SRGAP3: variants seen among roughly 807,000 people sequenced by gnomAD.
SRGAP3 encodes the protein SLIT-ROBO Rho GTPase-activating protein 3.
Under a neutral mutation model 121.1 loss-of-function variants are expected in SRGAP3, and 39 were observed. The ratio of observed to expected loss-of-function variants is 0.32; its 90% CI spans 0.25 to 0.42. The LOEUF is 0.42. Among genes scored for constraint, SRGAP3 ranks in the 10% least tolerant of loss-of-function variants. The probability of loss-of-function intolerance (pLI) is 1.00; values close to 1 mark genes in which losing one functional copy is unlikely to be tolerated. For missense variants in SRGAP3, 1,213 were observed against 1,470.6 expected, an observed-to-expected ratio of 0.82 and a Z score of 2.86; for synonymous variants, 601 against 570.0, an observed-to-expected ratio of 1.05 and a Z score of -0.77.
chr3:8,992,965 G>A lies in SRGAP3; in HGVS notation c.2499C>T (p.Asn833=), dbSNP rs751596121. ...PLLDDKASSK[N]DLQSPTEHIS... ...TGTGCTCCGTGGGGGACTGGAGGTC[G>A]TTTTTGGAAGAGGCCTTGTCATCCA... Residue 833 remains asparagine (N), a synonymous_variant, in exon 20 of 22, where the codon AAC becomes AAT. Coordinates refer to ENST00000383836, the MANE Select transcript of SRGAP3 (RefSeq NM_014850.4). The A allele has an allele frequency of 2.7e-5, 43 of 1,614,112 alleles. No homozygotes were observed. In the East Asian group the frequency reaches 4.2e-4, roughly 16 times the overall value.
chr3:9,109,363 C>G lies in SRGAP3; in HGVS notation c.261-4521G>C, dbSNP rs755942458. Among the ~76,000 whole-genome samples, 2 of 152,186 alleles carry G rather than the reference C, an allele frequency of 1.3e-5. No homozygotes were observed. Among genetic ancestry groups the G allele is most frequent in the Non-Finnish European group, 2.9e-5 (2 of 68,036 alleles). ...GAGAGGAAGGGCAGAGAGCACAGCG[C>G]TGTCCTTATCAGAAGCTGCAAGCCA... On this transcript the variant is annotated intron_variant, in intron 2 of 21. Transcript: ENST00000383836. The surrounding 1 kb of genome is among the most constrained non-coding windows in gnomAD (Gnocchi z 4.4).
At chr3:9,137,240 C>T (rs569964812) in intron 1 of SRGAP3, among the ~76,000 whole-genome samples, 1 of 152,200 alleles carries the variant, frequency 6.6e-6, no homozygotes. Flanking sequence ...GGTTTTTACG[C>T]TCTGTCTTTC....
intron 3 of SRGAP3, among the ~76,000 whole-genome samples, chr3:9,090,912 C>CA (rs1207379871): frequency 1.3e-5 from 2 of 152,158 alleles, no homozygotes; most frequent in Admixed American, 6.6e-5. Flanking sequence ...GCTGGGATTA[C>CA]AGGCATGAGC....
chr3:9,027,011 A>G lies in SRGAP3; in HGVS notation c.1540-16T>C. The G allele has an allele frequency of 1.2e-6, 2 of 1,614,034 alleles. No individual in the cohort carries two copies. Among genetic ancestry groups the G allele is most frequent in the Non-Finnish European group, 1.7e-6 (2 of 1,179,896 alleles). Reference sequence around the variant, plus strand: ...GTCCTGAATCCTTGAGAAAAGAAAAATTGTGAGTTTTATGGGGCTTGACAA... The same window carrying G: ...GTCCTGAATCCTTGAGAAAAGAAAAGTTGTGAGTTTTATGGGGCTTGACAA... On this transcript the variant is annotated splice_polypyrimidine_tract_variant and intron_variant, in intron 12 of 21. Transcript: ENST00000383836.
intron 1 of SRGAP3, among the ~76,000 whole-genome samples, chr3:9,347,702 GCTT>G (rs1955932382): frequency 2.0e-5 from 3 of 152,202 alleles, no homozygotes; most frequent in African/African-American, 7.2e-5. Flanking sequence ...CAGGTTCAAA[GCTT>G]CTTATTTTCC....
intron 3 of SRGAP3, chr3:9,292,493 T>C (rs1315914388): frequency 6.6e-6 from 1 of 152,204 alleles, no homozygotes; most frequent in African/African-American, 2.4e-5. Context: ...CCTATTCTTT[T>C]CACTCAAAGC....
intron 12 of SRGAP3, among the ~76,000 whole-genome samples, chr3:9,032,203 A>G (rs535481246): frequency 1.3e-4 from 20 of 152,316 alleles, no homozygotes; most frequent in Non-Finnish European, 2.9e-4. Context: ...CTAAAAAAAA[A>G]ATTCACGTGT....
In SRGAP3 at chr3:9,169,758, T is replaced by C. The variant is rs76748650; in HGVS notation, c.68-44841A>G. On this transcript the variant is annotated intron_variant, in intron 1 of 21. Transcript: ENST00000383836. ...GGTTACTCCAGGACCTGGAATGTTA[T>C]TGCTTGCTAGAGAATCACTAAATTG... Among the ~76,000 whole-genome samples the C allele has an allele frequency of 1.5e-3, 223 of 152,328 alleles. 3 individuals are homozygous for C. The East Asian group carries it at 0.039, about 26-fold the overall frequency.
upstream of SRGAP3, among the ~76,000 whole-genome samples, chr3:9,252,030 A>G (rs748321137): frequency 6.6e-6 from 1 of 152,188 alleles, no homozygotes; most frequent in Non-Finnish European, 1.5e-5. Flanking sequence ...GTGTTCTTCA[A>G]CGTTGGAGGT....
chr3:9,016,581 A>G (rs1299096042), intron 14 of SRGAP3, among the ~76,000 whole-genome samples: 1 of 152,180 alleles, frequency 6.6e-6, no homozygotes, highest in Non-Finnish European at 1.5e-5. Context: ...TGGCCTCCAG[A>G]TCTCTACATT....
intron 2 of SRGAP3, among the ~76,000 whole-genome samples, chr3:9,119,924 A>C (rs948390759): frequency 6.6e-6 from 1 of 152,226 alleles, no homozygotes; most frequent in Admixed American, 6.5e-5. Context: ...TCAATGCCAC[A>C]TACAGCAGAA....
At position 9,209,554 on chromosome 3, in the gene SRGAP3, G is replaced by A. The variant is rs904388746; in HGVS notation, c.67+39331C>T. Reference sequence around the variant, plus strand: ...CATAAATTAGGGGCAACTTCTCTTAGAAGACCACTTTGATGCTAGCTATTG... The same window carrying A: ...CATAAATTAGGGGCAACTTCTCTTAAAAGACCACTTTGATGCTAGCTATTG... On this transcript the variant is annotated intron_variant, in intron 1 of 21. Transcript: ENST00000383836. 5.9e-5 allele frequency among the ~76,000 whole-genome samples: 9 copies of A among 152,206 alleles called. No homozygotes were observed. The East Asian group carries it at 1.7e-3, about 29-fold the overall frequency.
chr3:9,258,120 G>C (rs1306095005), intron 3 of SRGAP3, among the ~76,000 whole-genome samples: 1 of 152,194 alleles, frequency 6.6e-6, no homozygotes, highest in Non-Finnish European at 1.5e-5. Flanking sequence ...GAAGAGACTG[G>C]TAAACAGGCA....
At chr3:9,330,382 C>T (rs1955586445) in intron 2 of SRGAP3, 1 of 152,148 alleles carries the variant, frequency 6.6e-6, no homozygotes, top group African/African-American at 2.4e-5. Flanking sequence ...AACTCCAAAC[C>T]CAGTTTGGAT....
Position 8,994,358 on chromosome 3 carries a change from A to G in SRGAP3, c.2393T>C (p.Ile798Thr). Residue 798 changes from isoleucine to threonine, a missense_variant, in exon 19 of 22, where the codon ATA becomes ACA. Around this residue, in one of 2 missense-constraint regions of SRGAP3, gnomAD observed 793 missense variants for 1,032.9 expected, o/e 0.77. Transcript: ENST00000383836. ...GVDGLIPHQY[I>T]VVQDMDDAFS... is the part of the protein sequence containing the mutation. Reference sequence around the variant, plus strand: ...CTCCACTCACATGTCCTGTACAACTATGTACTGATGGGGGATGAGTCCATC... The same window carrying G: ...CTCCACTCACATGTCCTGTACAACTGTGTACTGATGGGGGATGAGTCCATC... 1.2e-6 allele frequency: 2 copies of G among 1,614,144 alleles called. No homozygotes were observed. Among genetic ancestry groups the G allele is most frequent in the Non-Finnish European group, 1.7e-6 (2 of 1,180,040 alleles).
intron 3 of SRGAP3, among the ~76,000 whole-genome samples, chr3:9,301,486 G>A (rs914245957): frequency 1.3e-5 from 2 of 152,180 alleles, no homozygotes; most frequent in African/African-American, 4.8e-5. Context: ...AGGGGAGCAG[G>A]GAGACATCTG....
intron 3 of SRGAP3, among the ~76,000 whole-genome samples, chr3:9,315,473 G>C (rs898994264): frequency 2.0e-5 from 3 of 152,214 alleles, no homozygotes; most frequent in Non-Finnish European, 4.4e-5. Flanking sequence ...CTCACAGAGA[G>C]CACGTGGACT....
intron 2 of SRGAP3, among the ~76,000 whole-genome samples, chr3:9,329,385 T>C (rs572984704): frequency 6.6e-6 from 1 of 150,434 alleles, no homozygotes; most frequent in African/African-American, 2.5e-5. Context: ...CCAAGCTGCA[T>C]CATAAAGGAA....
intron 1 of SRGAP3, among the ~76,000 whole-genome samples, chr3:9,350,741 T>C (rs2030087748): frequency 6.6e-6 from 1 of 152,198 alleles, no homozygotes; most frequent in Admixed American, 6.5e-5. Flanking sequence ...TCTTCTTTCT[T>C]CCAGCTACTC....
Sources: gnomAD v4.1 joint callset for allele counts (sites outside exome capture counted in the v4.1 genomes callset) on GRCh38, gnomAD v4.1.1 for gene constraint, gnomAD v4.1.1 regional missense constraint, Gnocchi (gnomAD v3.1) non-coding constraint, MANE v1.5 for transcripts, NCBI Gene and HGNC (gene_info 2026-07-23, HGNC 2026-07-21) for gene names.